Variants in DRC9 observed in about 807,000 individuals in gnomAD.
DRC9 encodes dynein regulatory complex subunit 9, also known as dynein regulatory complex protein 9.
At chr3:197,893,181 A>G in the DRC9 span, among the ~76,000 whole-genome samples, 1 of 151,838 alleles carries the variant, frequency 6.6e-6, no homozygotes, top group Non-Finnish European at 1.5e-5. Context: ...AACGTGGAGA[A>G]GCCCCGTCTC....
At chr3:197,930,761 A>G in the DRC9 span, among the ~76,000 whole-genome samples, 3 of 148,482 alleles carry the variant, frequency 2.0e-5, no homozygotes, top group African/African-American at 7.5e-5. Flanking sequence ...AAAGAAAGAA[A>G]AGAAAAGGAA....
chr3:197,951,141 G>A, the DRC9 span: 373 of 1,613,932 alleles, frequency 2.3e-4, no homozygotes, highest in Non-Finnish European at 3.0e-4. Context: ...TTCATGTTGT[G>A]TATCTTTTGT....
the DRC9 span, among the ~76,000 whole-genome samples, chr3:197,947,199 T>A: frequency 4.6e-5 from 7 of 152,242 alleles, no homozygotes; most frequent in African/African-American, 1.4e-4. Context: ...TTGCTTGAAC[T>A]ACTCCAACAA....
At chr3:197,920,344 G>C in the DRC9 span, among the ~76,000 whole-genome samples, 1 of 135,142 alleles carries the variant, frequency 7.4e-6, no homozygotes, top group Non-Finnish European at 1.5e-5. Flanking sequence ...GGGAAGCTGA[G>C]GTAGGACTAG....
the DRC9 span, among the ~76,000 whole-genome samples, chr3:197,938,001 TAAATA>T: frequency 6.6e-6 from 1 of 151,754 alleles, no homozygotes; most frequent in Non-Finnish European, 1.5e-5. Flanking sequence ...ATTTAAAAAA[TAAATA>T]AAATAAAAAT....
At chr3:197,929,115 G>A in the DRC9 span, among the ~76,000 whole-genome samples, 1 of 152,338 alleles carries the variant, frequency 6.6e-6, no homozygotes, top group African/African-American at 2.4e-5. The surrounding 1 kb of genome is among the most constrained non-coding windows in gnomAD (Gnocchi z 4.6). Flanking sequence ...AGACACAGCT[G>A]GAGGTGGAGA....
the DRC9 span, among the ~76,000 whole-genome samples, chr3:197,911,906 C>T: frequency 6.6e-6 from 1 of 152,034 alleles, no homozygotes; most frequent in African/African-American, 2.4e-5. Context: ...TCCCAAAGTG[C>T]TGGGATTACA....
chr3:197,908,873 CT>C, the DRC9 span, among the ~76,000 whole-genome samples: 28 of 151,850 alleles, frequency 1.8e-4, no homozygotes, highest in African/African-American at 6.5e-4. Flanking sequence ...GCAAGCAACC[CT>C]TTCCAAGGCA....
chr3:197,932,242 G>T, the DRC9 span: 3 of 1,613,246 alleles, frequency 1.9e-6, no homozygotes, highest in Middle Eastern at 1.6e-4. Context: ...GGAGACTGTT[G>T]TAAGTGGCCG....
At chr3:197,896,124 C>T in the DRC9 span, among the ~76,000 whole-genome samples, 1 of 151,160 alleles carries the variant, frequency 6.6e-6, no homozygotes, top group Non-Finnish European at 1.5e-5. Flanking sequence ...GGGCAGATCA[C>T]CTGAGGTTGG....
the DRC9 span, among the ~76,000 whole-genome samples, chr3:197,954,720 C>T: frequency 6.6e-6 from 1 of 152,146 alleles, no homozygotes; most frequent in Non-Finnish European, 1.5e-5. Context: ...GTTGCCCAGG[C>T]TGGTCTTGAA....
chr3:197,889,118 T>G, the DRC9 span: 1 of 157,076 alleles, frequency 6.4e-6, no homozygotes, highest in African/African-American at 2.4e-5. Context: ...AACTTTGCTG[T>G]GTATATATTA....
At chr3:197,946,622 A>C in the DRC9 span, among the ~76,000 whole-genome samples, 1 of 152,006 alleles carries the variant, frequency 6.6e-6, no homozygotes. Context: ...TCCAATGTAA[A>C]TTTGTCCACA....
the DRC9 span, among the ~76,000 whole-genome samples, chr3:197,920,230 A>G: frequency 2.0e-5 from 3 of 151,888 alleles, no homozygotes; most frequent in African/African-American, 7.3e-5. Flanking sequence ...AAAATAAAAT[A>G]AATTAACATT....
chr3:197,942,385 CAAAAAAAAAAAAAA>C, the DRC9 span, among the ~76,000 whole-genome samples: 1 of 17,050 alleles, frequency 5.9e-5, no homozygotes, highest in Non-Finnish European at 1.4e-4. Context: ...CTCCGTCTCA[CAAAAAAAAAAAAAA>C]AAAAAAAAAA....
chr3:197,906,447 T>TC, the DRC9 span: 42 of 152,230 alleles, frequency 2.8e-4, no homozygotes, highest in African/African-American at 9.4e-4. Context: ...CTTTTTTTTT[T>TC]TTCCCTAATT....
the DRC9 span, chr3:197,955,894 T>G: frequency 1.2e-6 from 1 of 865,230 alleles, no homozygotes; most frequent in South Asian, 1.3e-5. Flanking sequence ...TGCTCAGCAT[T>G]TTTGGAGTAC....
the DRC9 span, among the ~76,000 whole-genome samples, chr3:197,934,183 C>CTTTT: frequency 2.0e-5 from 2 of 99,510 alleles, no homozygotes; most frequent in African/African-American, 4.9e-5. Flanking sequence ...CATTCTGGGT[C>CTTTT]TTTTTTTTTT....
At chr3:197,933,969 C>T in the DRC9 span, among the ~76,000 whole-genome samples, 1 of 144,540 alleles carries the variant, frequency 6.9e-6, no homozygotes, top group Non-Finnish European at 1.5e-5. Flanking sequence ...GGCCACCTCA[C>T]CCAGCTAAAA....
Sources: allele counts gnomAD v4.1 joint callset (sites outside exome capture counted in the v4.1 genomes callset), GRCh38; gene constraint gnomAD v4.1.1; non-coding constraint Gnocchi (gnomAD v3.1); transcripts MANE v1.5; gene names NCBI Gene and HGNC (gene_info 2026-07-23, HGNC 2026-07-21).